Variants in HS3ST5 observed in about 807,000 individuals in gnomAD.
The protein encoded by HS3ST5 is heparan sulfate glucosamine 3-O-sulfotransferase 5.
Under a neutral mutation model 25.4 loss-of-function variants are expected in HS3ST5, and 10 were observed. The ratio of observed to expected loss-of-function variants is 0.39; its 90% CI spans 0.24 to 0.67. The LOEUF (loss-of-function observed/expected upper bound fraction) is 0.67, where lower values mean the gene tolerates loss of function less well. Ranked by LOEUF, HS3ST5 falls within the 30% of genes least tolerant of loss-of-function variation. HS3ST5 has a pLI of 0.44. For missense variants in HS3ST5, 324 were observed against 420.7 expected, an observed-to-expected ratio of 0.77 and a Z score of 2.01; for synonymous variants, 170 against 162.4, an observed-to-expected ratio of 1.05 and a Z score of -0.36.
chr6:114,317,262 A>G (rs531687035), intron 1 of HS3ST5, among the ~76,000 whole-genome samples: 1 of 152,188 alleles, frequency 6.6e-6, no homozygotes, highest in African/African-American at 2.4e-5. Flanking sequence ...ATATAGGTCA[A>G]TCTTGGAGGA....
chr6:114,214,616 A>C (rs1209516542), intron 2 of HS3ST5, among the ~76,000 whole-genome samples: 1 of 152,234 alleles, frequency 6.6e-6, no homozygotes, highest in Non-Finnish European at 1.5e-5. Flanking sequence ...ATTAGAAAGG[A>C]CAGTAACAAA....
intron 3 of HS3ST5, among the ~76,000 whole-genome samples, chr6:114,141,200 G>A (rs779597666): frequency 3.7e-4 from 56 of 152,090 alleles, no homozygotes; most frequent in Non-Finnish European, 7.2e-4. Flanking sequence ...CAGAAACCTG[G>A]GTTCATTCTA....
At chr6:114,312,648 C>T (rs1775578252) in intron 1 of HS3ST5, among the ~76,000 whole-genome samples, 1 of 151,808 alleles carries the variant, frequency 6.6e-6, no homozygotes, top group African/African-American at 2.4e-5. Flanking sequence ...GACCTATATC[C>T]AGAAGTGGAA....
At chr6:114,291,962 T>C (rs1774597069) in intron 1 of HS3ST5, among the ~76,000 whole-genome samples, 1 of 152,206 alleles carries the variant, frequency 6.6e-6, no homozygotes, top group Admixed American at 6.5e-5. Context: ...AAGTATGTTC[T>C]AAAGAGCAAA....
intron 1 of HS3ST5, among the ~76,000 whole-genome samples, chr6:114,284,888 G>A (rs2114753149): frequency 6.6e-6 from 1 of 152,004 alleles, no homozygotes; most frequent in South Asian, 2.1e-4. Context: ...AAAAAAGACT[G>A]AGAAAATATC....
intron 2 of HS3ST5, among the ~76,000 whole-genome samples, chr6:114,181,326 C>T (rs1167302762): frequency 3.3e-5 from 5 of 152,174 alleles, no homozygotes; most frequent in Non-Finnish European, 7.3e-5. Context: ...CCATGGATAT[C>T]TGATGTTGCC....
chr6:114,290,437 C>T (rs111329411), intron 1 of HS3ST5, among the ~76,000 whole-genome samples: 2,867 of 152,064 alleles, frequency 0.019, 34 homozygotes, highest in Non-Finnish European at 0.031. Context: ...AACTAAAGTC[C>T]CATCCTGAAA....
chr6:114,280,487 T>G (rs1023974568), intron 1 of HS3ST5, among the ~76,000 whole-genome samples: 2 of 151,980 alleles, frequency 1.3e-5, no homozygotes, highest in African/African-American at 2.4e-5. Context: ...GGAAAGAGAA[T>G]CTGGGCCAGC....
chr6:114,184,294 C>CA (rs1780111309), intron 2 of HS3ST5, among the ~76,000 whole-genome samples: 2 of 151,826 alleles, frequency 1.3e-5, no homozygotes, highest in African/African-American at 4.8e-5. Flanking sequence ...AATTATTAAG[C>CA]AAAAAGGAAC....
chr6:114,293,376 T>C (rs1774669226), intron 1 of HS3ST5, among the ~76,000 whole-genome samples: 1 of 152,184 alleles, frequency 6.6e-6, no homozygotes, highest in Non-Finnish European at 1.5e-5. Context: ...AAAAAGTCTA[T>C]GGACTAAACA....
At chr6:114,266,049 C>T (rs1170979347) in intron 1 of HS3ST5, among the ~76,000 whole-genome samples, 1 of 152,166 alleles carries the variant, frequency 6.6e-6, no homozygotes, top group Non-Finnish European at 1.5e-5. Flanking sequence ...AAATATCCCA[C>T]AGGAACCTAA....
intron 1 of HS3ST5, among the ~76,000 whole-genome samples, chr6:114,230,816 C>T (rs966447868): frequency 6.6e-6 from 1 of 151,916 alleles, no homozygotes; most frequent in Non-Finnish European, 1.5e-5. Context: ...TTTCAAACTC[C>T]TGACCTCATG....
intron 1 of HS3ST5, among the ~76,000 whole-genome samples, chr6:114,237,890 GAA>G (rs1289700277): frequency 4.6e-5 from 7 of 152,176 alleles, no homozygotes; most frequent in Non-Finnish European, 8.8e-5. Context: ...GAGAAGCAGA[GAA>G]ATAAAATATA....
At chr6:114,110,999 A>G (rs1366593584) in intron 3 of HS3ST5, among the ~76,000 whole-genome samples, 1 of 152,220 alleles carries the variant, frequency 6.6e-6, no homozygotes, top group Non-Finnish European at 1.5e-5. Flanking sequence ...GCACCATTTA[A>G]TCTATCCTCT....
At chr6:114,280,439 GT>G (rs1297535665) in intron 1 of HS3ST5, among the ~76,000 whole-genome samples, 1 of 151,870 alleles carries the variant, frequency 6.6e-6, no homozygotes, top group African/African-American at 2.4e-5. Flanking sequence ...GATTCAGGAG[GT>G]ACGCCCTCTT....
At chr6:114,198,498 T>A (rs1003968815) in intron 2 of HS3ST5, among the ~76,000 whole-genome samples, 24 of 152,204 alleles carry the variant, frequency 1.6e-4, no homozygotes, top group African/African-American at 5.5e-4. Context: ...ATTTCCAAGA[T>A]CAACCCAAAG....
intron 3 of HS3ST5, among the ~76,000 whole-genome samples, chr6:114,110,911 A>G (rs1239115714): frequency 2.0e-5 from 3 of 152,232 alleles, no homozygotes; most frequent in African/African-American, 7.2e-5. Context: ...TTCAAAAAGC[A>G]TAGGGCAATT....
At chr6:114,125,376 T>A (rs949372517) in intron 3 of HS3ST5, among the ~76,000 whole-genome samples, 6 of 152,226 alleles carry the variant, frequency 3.9e-5, no homozygotes, top group African/African-American at 1.4e-4. Flanking sequence ...AGAAAATTAT[T>A]TGCAAAATGT....
At chr6:114,306,359 C>T (rs944319831) in intron 1 of HS3ST5, among the ~76,000 whole-genome samples, 1 of 149,094 alleles carries the variant, frequency 6.7e-6, no homozygotes, top group African/African-American at 2.5e-5. Flanking sequence ...TCCTTTATCT[C>T]TTAGTAAAAT....
Sources: allele counts gnomAD v4.1 joint callset (sites outside exome capture counted in the v4.1 genomes callset), GRCh38; gene constraint gnomAD v4.1.1; transcripts MANE v1.5; gene names NCBI Gene and HGNC (gene_info 2026-07-23, HGNC 2026-07-21).